Variants in CACNA2D3 observed in about 807,000 individuals in gnomAD.
The protein encoded by CACNA2D3 is calcium voltage-gated channel auxiliary subunit alpha2delta 3.
In CACNA2D3, 60 loss-of-function variants were observed where a neutral mutation model predicts 160.6. The observed-to-expected ratio is 0.37, with a 90% CI of 0.30 to 0.46. The LOEUF (loss-of-function observed/expected upper bound fraction) is 0.46, where lower values mean the gene tolerates loss of function less well. Among genes scored for constraint, CACNA2D3 ranks in the 20% least tolerant of loss-of-function variants. The pLI is 1.00. For missense variants in CACNA2D3, 1,205 were observed against 1,365.0 expected, an observed-to-expected ratio of 0.88 and a Z score of 1.85; for synonymous variants, 558 against 492.9, an observed-to-expected ratio of 1.13 and a Z score of -1.75.
At chr3:54,869,607 G>A (rs1311248187) in intron 17 of CACNA2D3, among the ~76,000 whole-genome samples, 3 of 152,198 alleles carry the variant, frequency 2.0e-5, no homozygotes, top group African/African-American at 7.2e-5. Flanking sequence ...TCAGGATCTG[G>A]GCTGTGTGAG....
intron 34 of CACNA2D3, among the ~76,000 whole-genome samples, chr3:55,014,519 A>G (rs1414217570): frequency 6.6e-6 from 1 of 152,138 alleles, no homozygotes; most frequent in Non-Finnish European, 1.5e-5. Context: ...CACTGAGGCC[A>G]GGAGTTCGAG....
At chr3:55,029,982 A>C (rs1209551005) in intron 35 of CACNA2D3, among the ~76,000 whole-genome samples, 2 of 152,284 alleles carry the variant, frequency 1.3e-5, no homozygotes, top group Non-Finnish European at 2.9e-5. Context: ...TAATTTCTAA[A>C]CGAGTCAGCT....
At chr3:54,552,603 G>A (rs2106687929) in intron 5 of CACNA2D3, among the ~76,000 whole-genome samples, 1 of 152,332 alleles carries the variant, frequency 6.6e-6, no homozygotes, top group South Asian at 2.1e-4. Context: ...TCTGTAAAAT[G>A]TGGCTAGGAA....
chr3:54,834,477 G>T (rs913885233), intron 14 of CACNA2D3, among the ~76,000 whole-genome samples: 1 of 152,110 alleles, frequency 6.6e-6, no homozygotes, highest in Non-Finnish European at 1.5e-5. Flanking sequence ...TATGCTTTGA[G>T]TATTTTAAGC....
intron 4 of CACNA2D3, among the ~76,000 whole-genome samples, chr3:54,495,130 T>C (rs886638592): frequency 6.6e-6 from 1 of 152,206 alleles, no homozygotes; most frequent in African/African-American, 2.4e-5. Flanking sequence ...ATTGAGCGGT[T>C]CATGGGCTGG....
intron 2 of CACNA2D3, among the ~76,000 whole-genome samples, chr3:54,224,024 G>A: frequency 6.6e-6 from 1 of 151,810 alleles, no homozygotes; most frequent in Admixed American, 6.6e-5. Flanking sequence ...TATACTTACT[G>A]TATATGCTTT....
chr3:54,491,386 C>G (rs1251554668), intron 4 of CACNA2D3, among the ~76,000 whole-genome samples: 18 of 152,224 alleles, frequency 1.2e-4, no homozygotes, highest in Admixed American at 1.2e-3. Flanking sequence ...TGTTACACAA[C>G]TTACCCTGCA....
intron 4 of CACNA2D3, among the ~76,000 whole-genome samples, chr3:54,468,454 CG>C (rs1700668137): frequency 6.6e-6 from 1 of 152,200 alleles, no homozygotes; most frequent in South Asian, 2.1e-4. Context: ...GAGATTCCCT[CG>C]GGTGCCTAGG....
intron 13 of CACNA2D3, among the ~76,000 whole-genome samples, chr3:54,777,139 A>G (rs1051076730): frequency 6.6e-6 from 1 of 152,178 alleles, no homozygotes; most frequent in African/African-American, 2.4e-5. Flanking sequence ...CATGTGAAAG[A>G]TTTCATTCTT....
intron 2 of CACNA2D3, among the ~76,000 whole-genome samples, chr3:54,160,253 C>T (rs557674578): frequency 2.8e-4 from 43 of 152,316 alleles, no homozygotes; most frequent in African/African-American, 8.4e-4. Flanking sequence ...AATCCCGGCA[C>T]TTTGGGAGGC....
chr3:54,576,005 C>A (rs924778928), intron 8 of CACNA2D3, among the ~76,000 whole-genome samples: 1 of 152,096 alleles, frequency 6.6e-6, no homozygotes, highest in Admixed American at 6.5e-5. Flanking sequence ...CAAGCCAGAT[C>A]GAACCAGTCT....
intron 11 of CACNA2D3, among the ~76,000 whole-genome samples, chr3:54,746,514 G>A (rs1205073167): frequency 3.3e-5 from 5 of 152,306 alleles, no homozygotes; most frequent in African/African-American, 1.2e-4. Context: ...ACAGGAAGAT[G>A]TCAGGAAGGC....
chr3:54,842,752 C>G (rs1440742076), intron 16 of CACNA2D3, among the ~76,000 whole-genome samples: 2 of 151,828 alleles, frequency 1.3e-5, no homozygotes, highest in Non-Finnish European at 2.9e-5. Context: ...AGGCACCCAC[C>G]ATCGTGCCTG....
chr3:54,281,852 G>C (rs1185362612), intron 2 of CACNA2D3, among the ~76,000 whole-genome samples: 1 of 152,194 alleles, frequency 6.6e-6, no homozygotes, highest in Non-Finnish European at 1.5e-5. Flanking sequence ...CCAGTTGACA[G>C]GAAGTTCTAC....
intron 13 of CACNA2D3, among the ~76,000 whole-genome samples, chr3:54,792,474 A>C (rs1702777206): frequency 6.6e-6 from 1 of 152,164 alleles, no homozygotes; most frequent in Non-Finnish European, 1.5e-5. Context: ...TAAAACTGAA[A>C]TGTCAAAGTA....
intron 30 of CACNA2D3, 55 bp downstream of exon 30, chr3:54,984,725 C>T: frequency 8.5e-6 from 9 of 1,054,706 alleles, no homozygotes; most frequent in Non-Finnish European, 5.6e-6. Flanking sequence ...GTGCTTGGGT[C>T]AGGGGGAACA....
chr3:54,927,076 G>GTT (rs1186287099), intron 27 of CACNA2D3, among the ~76,000 whole-genome samples: 1 of 152,180 alleles, frequency 6.6e-6, no homozygotes, highest in Non-Finnish European at 1.5e-5. Flanking sequence ...ACTCAAAATA[G>GTT]TTATCTACTC....
At chr3:54,552,028 G>A (rs374342693) in intron 5 of CACNA2D3, among the ~76,000 whole-genome samples, 91 of 152,312 alleles carry the variant, frequency 6.0e-4, no homozygotes, top group African/African-American at 2.0e-3. Context: ...AGAATCAGAA[G>A]CCTCTTGGAA....
chr3:54,533,007 C>T (rs542151714), intron 5 of CACNA2D3, among the ~76,000 whole-genome samples: 30 of 152,206 alleles, frequency 2.0e-4, no homozygotes, highest in African/African-American at 6.5e-4. Flanking sequence ...TAGTGTAAGA[C>T]GGTATCACAT....
Sources: gnomAD v4.1 joint callset for allele counts (sites outside exome capture counted in the v4.1 genomes callset) on GRCh38, gnomAD v4.1.1 for gene constraint, MANE v1.5 for transcripts, NCBI Gene and HGNC (gene_info 2026-07-23, HGNC 2026-07-21) for gene names.